CP: variants seen among roughly 807,000 people sequenced by gnomAD.
The protein encoded by CP is ceruloplasmin, also known as caeruloplasmin.
In CP, 64 loss-of-function variants were observed where a neutral mutation model predicts 122.4. The observed-to-expected ratio is 0.52, with a 90% CI of 0.43 to 0.64. CP has a LOEUF of 0.64. CP is among the 30% of genes least tolerant of loss of function. The pLI is 0.00. For synonymous variants in CP, 440 were observed against 436.4 expected (o/e 1.01, Z -0.10); for missense variants, 1,167 against 1,284.4 (o/e 0.91, Z 1.40).
In CP at chr3:149,194,779, A is replaced by G. The variant is rs539366694; in HGVS notation, c.1713+3588T>C. Among the ~76,000 whole-genome samples, 3 of 152,328 alleles carry G rather than the reference A, an allele frequency of 2.0e-5. No individual in the cohort carries two copies. In the East Asian group the frequency reaches 5.8e-4, roughly 29 times the overall value. Reference sequence around the variant, plus strand: ...AACTTATACATTTGAAACAATCCCAATAAAACACTATCAAGCCTTTTTTCT... The same window carrying G: ...AACTTATACATTTGAAACAATCCCAGTAAAACACTATCAAGCCTTTTTTCT... On this transcript the variant is annotated intron_variant, in intron 9 of 18. Coordinates refer to ENST00000264613, the MANE Select transcript of CP (RefSeq NM_000096.4).
intron 6 of CP, among the ~76,000 whole-genome samples, chr3:149,203,631 T>C (rs1267193691): frequency 6.6e-6 from 1 of 152,220 alleles, no homozygotes; most frequent in African/African-American, 2.4e-5. Flanking sequence ...TCTCCCTATT[T>C]TGCAAACGAA....
Position 149,173,548 on chromosome 3 carries a change from C to CA in CP, c.*165dup. 1 of 522,200 alleles carries CA rather than the reference C, an allele frequency of 1.9e-6. No individual in the cohort carries two copies. The highest frequency in any genetic ancestry group is 2.5e-5 in the South Asian group (1 of 39,248). 32.3% of individuals were successfully genotyped at this position (522,200 alleles called of 1,614,324 possible). ...TATAGTCTGTTGATCTTTCCATTTG[C>CA]AAAAAATTAATAGTTTTCCCCCACA... On this transcript the variant is annotated 3_prime_UTR_variant, in exon 19 of 19. Transcript: ENST00000264613.
downstream of CP, among the ~76,000 whole-genome samples, chr3:149,170,307 T>C (rs989852700): frequency 2.0e-5 from 3 of 152,218 alleles, no homozygotes; most frequent in Admixed American, 1.3e-4. Context: ...CTCAGTTTTT[T>C]TGTTTCTGAG....
At chr3:149,197,208 A>T (rs567348431) in intron 9 of CP, among the ~76,000 whole-genome samples, 1 of 152,328 alleles carries the variant, frequency 6.6e-6, no homozygotes, top group East Asian at 1.9e-4. Context: ...ATAAACAGCC[A>T]TGTTGCTCAC....
downstream of CP, among the ~76,000 whole-genome samples, chr3:149,169,364 A>T (rs1724754549): frequency 6.6e-6 from 1 of 152,212 alleles, no homozygotes. Context: ...AGAGCAACCC[A>T]GTTTTCTAAT....
intron 10 of CP, among the ~76,000 whole-genome samples, chr3:149,187,208 T>C (rs1726235226): frequency 6.6e-6 from 1 of 152,220 alleles, no homozygotes; most frequent in African/African-American, 2.4e-5. Flanking sequence ...TGTATTTAAT[T>C]ATTTTTGATG....
At chr3:149,182,828 G>T (rs188388086) in intron 13 of CP, among the ~76,000 whole-genome samples, 248 of 152,204 alleles carry the variant, frequency 1.6e-3, no homozygotes, top group Non-Finnish European at 2.4e-3. Flanking sequence ...TGAGAGGAAT[G>T]GGTAGGATAA....
chr3:149,209,117 C>T, intron 4 of CP, 94 bp downstream of exon 4: 1 of 1,482,930 alleles, frequency 6.7e-7, no homozygotes, highest in South Asian at 1.2e-5. Context: ...ACAGACTAGA[C>T]ACACAGTACT....
At chr3:149,210,434 GAGAATAGATAGTC>G (rs1245692519) in intron 2 of CP, 55 bp from the exon 3 acceptor site, 2 of 1,402,518 alleles carry the variant, frequency 1.4e-6, no homozygotes, top group Admixed American at 3.4e-5. Flanking sequence ...ACTTAAATGA[GAGAATAGATAGTC>G]CATTAATTCA....
chr3:149,188,042 CAG>C lies in CP; in HGVS notation c.1864+8_1864+9del. The C allele has an allele frequency of 6.2e-7, 1 of 1,611,280 alleles. No individual in the cohort carries two copies. Among genetic ancestry groups the C allele is most frequent in the South Asian group, 1.1e-5 (1 of 90,974 alleles). ...TAACTTGGTAGATTGGTGGATGATGCAGTACTTACAGTGCATTTTATTAGATT... is the reference window on the plus strand; with the variant it reads ...TAACTTGGTAGATTGGTGGATGATGCTACTTACAGTGCATTTTATTAGATT... On this transcript the variant is annotated splice_region_variant and intron_variant, in intron 10 of 18. Transcript: ENST00000264613.
downstream of CP, among the ~76,000 whole-genome samples, chr3:149,170,008 T>G (rs954863751): frequency 1.3e-5 from 2 of 152,164 alleles, no homozygotes; most frequent in Admixed American, 1.3e-4. Context: ...TAACCTTCTC[T>G]TAGCCTCAAT....
intron 17 of CP, among the ~76,000 whole-genome samples, chr3:149,176,889 A>G (rs1725455880): frequency 6.6e-6 from 1 of 152,210 alleles, no homozygotes; most frequent in Admixed American, 6.5e-5. Flanking sequence ...TGGAAACAGT[A>G]GTTGGGTGAC....
At chr3:149,207,309 T>C in intron 5 of CP, 54 bp downstream of exon 5, 1 of 1,611,682 alleles carries the variant, frequency 6.2e-7, no homozygotes, top group Non-Finnish European at 8.5e-7. Context: ...AGATTCTGAT[T>C]CCCAGTAACC....
At chr3:149,208,347 C>T (rs569377197) in intron 4 of CP, among the ~76,000 whole-genome samples, 1 of 152,148 alleles carries the variant, frequency 6.6e-6, no homozygotes, top group Non-Finnish European at 1.5e-5. Flanking sequence ...CAAACCTGCT[C>T]AGGCTAGAAT....
chr3:149,178,990 C>G (rs762025264), intron 15 of CP, among the ~76,000 whole-genome samples: 2 of 152,104 alleles, frequency 1.3e-5, no homozygotes, highest in Non-Finnish European at 2.9e-5. Flanking sequence ...CCCTAAAAAT[C>G]CATAGATGAA....
At chr3:149,188,267 A>G in intron 9 of CP, 65 bp from the exon 10 acceptor site, 1 of 1,361,110 alleles carries the variant, frequency 7.3e-7, no homozygotes, top group Non-Finnish European at 1.0e-6. Context: ...CATGTGCACA[A>G]TACTATTTAT....
At chr3:149,170,417 G>GT (rs1724859598), downstream of CP, 2 of 152,226 alleles carry the variant, frequency 1.3e-5, no homozygotes, top group Non-Finnish European at 2.9e-5. Context: ...CTAGTTAGTA[G>GT]TTGCTGTTTA....
At chr3:149,215,801 A>G (rs1204319306) in intron 1 of CP, among the ~76,000 whole-genome samples, 2 of 152,158 alleles carry the variant, frequency 1.3e-5, no homozygotes, top group Non-Finnish European at 2.9e-5. Flanking sequence ...CCTGTTGACA[A>G]CTGTAGTATG....
chr3:149,167,514 G>C (rs995836555), downstream of CP, among the ~76,000 whole-genome samples: 1 of 152,088 alleles, frequency 6.6e-6, no homozygotes, highest in African/African-American at 2.4e-5. Context: ...GTGTATGATG[G>C]GAAAATATTT....
Sources: gnomAD v4.1 joint callset for allele counts (sites outside exome capture counted in the v4.1 genomes callset) on GRCh38, gnomAD v4.1.1 for gene constraint, MANE v1.5 for transcripts, NCBI Gene and HGNC (gene_info 2026-07-23, HGNC 2026-07-21) for gene names.